The following CSN1S1 variants were observed in gnomAD, a reference collection of about 807,000 sequenced individuals.
CSN1S1 encodes alpha-S1-casein.
A neutral mutation model predicts 49.1 loss-of-function variants in CSN1S1; 63 were observed. That is an observed-to-expected ratio of 1.28 (90% confidence interval 1.05 to 1.58). The LOEUF (loss-of-function observed/expected upper bound fraction) is 1.58, where lower values mean the gene tolerates loss of function less well. Ranked by LOEUF, CSN1S1 falls within the 40% of genes most tolerant of loss-of-function variation. The pLI is 0.00. For synonymous variants in CSN1S1, 78 were observed against 67.1 expected (o/e 1.16, Z -0.79); for missense variants, 260 against 224.7 (o/e 1.16, Z -1.01).
At chr4:69,936,823 A>G (rs1225267556) in intron 7 of CSN1S1, among the ~76,000 whole-genome samples, 1 of 152,012 alleles carries the variant, frequency 6.6e-6, no homozygotes, top group African/African-American at 2.4e-5. Flanking sequence ...ACAAGGCATT[A>G]GTGTGAATGA....
chr4:69,931,977 ATTCT>A (rs1427032123), intron 1 of CSN1S1, among the ~76,000 whole-genome samples: 1 of 151,936 alleles, frequency 6.6e-6, no homozygotes, highest in African/African-American at 2.4e-5. Context: ...TTATGGCTAG[ATTCT>A]TTATTTAAAA....
At chr4:69,934,814 C>T (rs980637905) in intron 4 of CSN1S1, 104 bp downstream of exon 4, 1 of 1,004,508 alleles carries the variant, frequency 1.0e-6, no homozygotes, top group Non-Finnish European at 1.5e-6. Context: ...TTTTATTTCC[C>T]TTCAAATGCA....
Position 69,942,454 on chromosome 4 carries a change from G to A in CSN1S1, c.361-82G>A, listed in dbSNP as rs747546436. The A allele has an allele frequency of 8.2e-4, 873 of 1,060,162 alleles. 2 individuals carry two copies. Among genetic ancestry groups the A allele is most frequent in the Non-Finnish European group, 1.2e-3 (825 of 701,080 alleles). 65.7% of individuals were successfully genotyped at this position (1,060,162 alleles called of 1,614,324 possible). A position where few individuals can be genotyped will look rare whatever the true frequency, so the allele number is the denominator to read the frequency against. On this transcript the variant is annotated intron_variant, in intron 13 of 15. Coordinates refer to ENST00000246891, the MANE Select transcript of CSN1S1 (RefSeq NM_001890.2). ...TTCTAAATTTCATGAATGATGTTATGTATACTTCTGGTGCAATGTAAGATA... is the reference window on the plus strand; with the variant it reads ...TTCTAAATTTCATGAATGATGTTATATATACTTCTGGTGCAATGTAAGATA...
intron 13 of CSN1S1, 115 bp downstream of exon 13, chr4:69,942,178 C>A (rs928703254): frequency 1.6e-6 from 1 of 626,150 alleles, no homozygotes; most frequent in Non-Finnish European, 2.6e-6. Flanking sequence ...TCTACCAACA[C>A]TATCTGATAA....
chr4:69,945,073 A>T, intron 15 of CSN1S1, 69 bp downstream of exon 15: 2 of 1,517,514 alleles, frequency 1.3e-6, no homozygotes, highest in East Asian at 2.3e-5. Flanking sequence ...CTTGGAGAGG[A>T]TACCATAAGA....
chr4:69,939,937 A>G lies in CSN1S1; in HGVS notation c.277-84A>G. 5 of 786,536 alleles carry G rather than the reference A, an allele frequency of 6.4e-6. No individual in the cohort carries two copies. In the South Asian group the frequency reaches 7.3e-5, roughly 11 times the overall value. The allele number at this position is 786,536 out of a possible 1,614,324, so 48.7% of individuals were successfully genotyped here. A position where few individuals can be genotyped will look rare whatever the true frequency, so the allele number is the denominator to read the frequency against. On this transcript the variant is annotated intron_variant, in intron 10 of 15. Transcript: ENST00000246891. ...ATCAATTCACTGCAATTATTTAGTA[A>G]TAGTTTTGTTGATTCATATTTTAAC...
At chr4:69,933,259 C>A (rs991354521) in intron 2 of CSN1S1, among the ~76,000 whole-genome samples, 2 of 151,954 alleles carry the variant, frequency 1.3e-5, no homozygotes, top group African/African-American at 4.8e-5. Context: ...TTTCTCTGTT[C>A]TCTCCTGTTA....
Position 69,942,345 on chromosome 4 carries a change from C to A in CSN1S1, c.361-191C>A, listed in dbSNP as rs1206545393. 6 of 617,442 alleles carry A rather than the reference C, an allele frequency of 9.7e-6. No homozygotes were observed. The East Asian group carries it at 1.7e-4, about 17-fold the overall frequency. 38.2% of individuals were successfully genotyped at this position (617,442 alleles called of 1,614,324 possible). On this transcript the variant is annotated intron_variant, in intron 13 of 15. Transcript: ENST00000246891. Reference sequence around the variant, plus strand: ...TTTTTCCAAACTATAGTGAGCTTAGCCTTTAGCTAAAATTTTTTTCTGACA... The same window carrying A: ...TTTTTCCAAACTATAGTGAGCTTAGACTTTAGCTAAAATTTTTTTCTGACA...
chr4:69,942,519 T>C lies in CSN1S1; in HGVS notation c.361-17T>C. 6.4e-7 allele frequency: 1 copy of C among 1,571,490 alleles called. No individual in the cohort carries two copies. The highest frequency in any genetic ancestry group is 1.2e-5 in the South Asian group (1 of 85,970). On this transcript the variant is annotated splice_polypyrimidine_tract_variant and intron_variant, in intron 13 of 15. Coordinates refer to ENST00000246891, the MANE Select transcript of CSN1S1 (RefSeq NM_001890.2). ...GAAGATGTCTAAGTAATTTAGAATGTGTTTCCTTTTATGCAGGAGCAAATT... is the reference window on the plus strand; with the variant it reads ...GAAGATGTCTAAGTAATTTAGAATGCGTTTCCTTTTATGCAGGAGCAAATT...
At chr4:69,940,192 TAA>T (rs1560389365) in intron 11 of CSN1S1, 148 bp downstream of exon 11, 4 of 398,304 alleles carry the variant, frequency 1.0e-5, no homozygotes, top group Non-Finnish European at 1.8e-5. Context: ...AAGGTGGCAT[TAA>T]AGTTTTATCA....
rs899897981 is a variant in CSN1S1 at position 69,934,711 on chromosome 4, G to A, written c.105+1G>A. On this transcript the variant is annotated splice_donor_variant, in intron 4 of 15. Transcript: ENST00000246891. LOFTEE classifies it high-confidence loss of function. ...ACAGAATCCATCAGAGAGCAGTGAG[G>A]TAAGCTCTGTTTATGGGGAGTCAGG... 3.7e-6 allele frequency: 6 copies of A among 1,609,032 alleles called. No homozygotes were observed. Among genetic ancestry groups the A allele is most frequent in the African/African-American group, 1.3e-5 (1 of 74,720 alleles).
intron 4 of CSN1S1, among the ~76,000 whole-genome samples, 170 bp from the exon 5 acceptor site, chr4:69,935,756 A>T (rs538374866): frequency 7.2e-5 from 11 of 152,242 alleles, no homozygotes; most frequent in African/African-American, 2.2e-4. Context: ...CTCACTCCTT[A>T]TAATAGAATG....
chr4:69,935,800 T>A, intron 4 of CSN1S1, 126 bp from the exon 5 acceptor site: 1 of 687,662 alleles, frequency 1.5e-6, no homozygotes. Flanking sequence ...TGTGTCACAT[T>A]CTCTATAATT....
chr4:69,945,101 A>C (rs1360336191), intron 15 of CSN1S1, 97 bp downstream of exon 15: 3 of 1,321,308 alleles, frequency 2.3e-6, no homozygotes, highest in African/African-American at 2.9e-5. Context: ...TAGATTAAAC[A>C]TGGCAAATCA....
chr4:69,942,890 T>C, intron 14 of CSN1S1, among the ~76,000 whole-genome samples: 1 of 151,802 alleles, frequency 6.6e-6, no homozygotes, highest in African/African-American at 2.4e-5. Flanking sequence ...AATAACTGTA[T>C]GTTTAATTCA....
Position 69,934,854 on chromosome 4 carries a change from C to G in CSN1S1, c.105+144C>G, listed in dbSNP as rs1560386197. 96 of 726,576 alleles carry G rather than the reference C, an allele frequency of 1.3e-4. 1 individual carries two copies. In the South Asian group the frequency reaches 1.7e-3, roughly 13 times the overall value. 45.0% of individuals were successfully genotyped at this position (726,576 alleles called of 1,614,324 possible). A position where few individuals can be genotyped will look rare whatever the true frequency, so the allele number is the denominator to read the frequency against. On this transcript the variant is annotated intron_variant, in intron 4 of 15. Coordinates refer to ENST00000246891, the MANE Select transcript of CSN1S1 (RefSeq NM_001890.2). The stretch of plus-strand genomic sequence containing the variant: ...ACAACTCAAGTACCTGGATTGCTCT[C>G]TAAATTCTGTTTTGATGAAATTCCT...
chr4:69,944,364 C>T (rs12499547), intron 14 of CSN1S1, among the ~76,000 whole-genome samples: 1 of 151,840 alleles, frequency 6.6e-6, no homozygotes, highest in African/African-American at 2.4e-5. Flanking sequence ...GAACAGTGGC[C>T]TAGGAATTAA....
At position 69,932,569 on chromosome 4, in the gene CSN1S1, T is replaced by A; in HGVS notation, c.14T>A (p.Ile5Asn). The change falls in exon 2 of 16, where the codon ATT becomes AAT. Residue 5 changes from isoleucine (I) to asparagine (N), a missense_variant. Coordinates refer to ENST00000246891, the MANE Select transcript of CSN1S1 (RefSeq NM_001890.2). ...GCTCTGATAACCATGAGGCTTCTCA[T>A]TCTCACCTGTCTTGTGGCTGTTGCT... MRLL[I>N]LTCLVAVALA... is the part of the protein sequence containing the mutation. 6.2e-7 allele frequency: 1 copy of A among 1,604,028 alleles called. No individual in the cohort carries two copies. The highest frequency in any genetic ancestry group is 8.5e-7 in the Non-Finnish European group (1 of 1,174,220).
intron 12 of CSN1S1, among the ~76,000 whole-genome samples, 163 bp downstream of exon 12, chr4:69,941,223 C>T (rs1436886512): frequency 6.6e-6 from 1 of 151,656 alleles, no homozygotes; most frequent in Non-Finnish European, 1.5e-5. Context: ...TGATTGCCGG[C>T]ATATTTGCGG....
Sources: allele counts gnomAD v4.1 joint callset (sites outside exome capture counted in the v4.1 genomes callset), GRCh38; gene constraint gnomAD v4.1.1; transcripts MANE v1.5; gene names NCBI Gene and HGNC (gene_info 2026-07-23, HGNC 2026-07-21).